Variants in EVL observed in about 807,000 individuals in gnomAD.
EVL encodes the protein Enah/Vasp-like.
Under a neutral mutation model 59.6 loss-of-function variants are expected in EVL, and 21 were observed. The ratio of observed to expected loss-of-function variants is 0.35; its 90% confidence interval spans 0.25 to 0.51. EVL has a LOEUF of 0.51. EVL is among the 20% of genes least tolerant of loss of function. EVL has a pLI of 0.97. For missense variants in EVL, 462 were observed against 546.6 expected (o/e 0.85, Z 1.54); for synonymous variants, 198 against 203.5 (o/e 0.97, Z 0.23).
intron 1 of EVL, among the ~76,000 whole-genome samples, chr14:99,983,941 G>A (rs2060824427): frequency 6.6e-6 from 1 of 152,064 alleles, no homozygotes; most frequent in Non-Finnish European, 1.5e-5. Flanking sequence ...ATCTACTGAA[G>A]GCTTTATAAA....
At chr14:99,987,116 A>G (rs899369037) in intron 1 of EVL, among the ~76,000 whole-genome samples, 3 of 152,216 alleles carry the variant, frequency 2.0e-5, no homozygotes, top group East Asian at 1.9e-4. Context: ...TGACAAGACA[A>G]TCCTGATAAT....
intron 1 of EVL, among the ~76,000 whole-genome samples, chr14:100,043,285 G>GTA (rs201664616): frequency 9.3e-5 from 14 of 151,104 alleles, no homozygotes; most frequent in Non-Finnish European, 1.3e-4. Context: ...ATGTGTGTGT[G>GTA]TATATATATG....
intron 1 of EVL, among the ~76,000 whole-genome samples, chr14:100,081,316 C>CA (rs1466094849): frequency 1.3e-5 from 2 of 151,848 alleles, no homozygotes; most frequent in South Asian, 2.1e-4. Context: ...TTTATTAAAA[C>CA]AAAAAATTTC....
intron 2 of EVL, among the ~76,000 whole-genome samples, chr14:100,087,246 A>G (rs1359362512): frequency 2.6e-5 from 4 of 152,250 alleles, no homozygotes; most frequent in African/African-American, 9.6e-5. Context: ...TAGTACCATT[A>G]GCCAAAATCT....
At chr14:99,991,705 G>A (rs994817523) in intron 1 of EVL, among the ~76,000 whole-genome samples, 4 of 152,142 alleles carry the variant, frequency 2.6e-5, no homozygotes, top group African/African-American at 9.7e-5. Flanking sequence ...GGTAAACGCA[G>A]CAACCACAGG....
At chr14:99,977,715 T>C (rs1163075382) in intron 1 of EVL, among the ~76,000 whole-genome samples, 1 of 151,750 alleles carries the variant, frequency 6.6e-6, no homozygotes, top group African/African-American at 2.4e-5. Flanking sequence ...ATTATAGGCA[T>C]GAGCCACCGT....
chr14:100,038,132 G>A lies in EVL; in HGVS notation c.6-46555G>A, dbSNP rs146868677. ...TCATCCTGGGTAGGATACTGTAGACGGAGAGCTGCAGGCAGCAGAAGGAAG... is the reference window on the plus strand; with the variant it reads ...TCATCCTGGGTAGGATACTGTAGACAGAGAGCTGCAGGCAGCAGAAGGAAG... On this transcript the variant is annotated intron_variant, in intron 1 of 13. Coordinates refer to the EVL transcript ENST00000402714. Among the ~76,000 whole-genome samples the A allele has an allele frequency of 4.6e-5, 7 of 152,256 alleles. No homozygotes were observed. In the East Asian group the frequency reaches 1.2e-3, roughly 25 times the overall value.
chr14:100,104,220 C>T (rs1445922740), intron 3 of EVL, among the ~76,000 whole-genome samples: 1 of 152,200 alleles, frequency 6.6e-6, no homozygotes. Context: ...TCAGCAGCCC[C>T]AGGGGACTTG....
chr14:100,143,766 C>G lies in EVL; in HGVS notation c.*28C>G, dbSNP rs191740130. ...GGCCGGCCTCGCTGCGCTGATTCGTCGAGCCCATCCGGCGACAGAGGACAG... is the reference window on the plus strand; with the variant it reads ...GGCCGGCCTCGCTGCGCTGATTCGTGGAGCCCATCCGGCGACAGAGGACAG... On this transcript the variant is annotated 3_prime_UTR_variant, in exon 14 of 14. Coordinates refer to ENST00000392920, the MANE Select transcript of EVL (RefSeq NM_016337.3). The G allele has an allele frequency of 5.6e-6, 9 of 1,607,446 alleles. No homozygotes were observed. The highest frequency in any genetic ancestry group is 1.3e-5 in the African/African-American group (1 of 74,822).
rs376049780 is a variant in EVL, at chr14:100,016,424, G to A, written c.5+44367G>A. ...CGTGCCTGTAATACCAGTTACTCGG[G>A]AGGCTGAAGCACGAGAATCACTTGA... On this transcript the variant is annotated intron_variant, in intron 1 of 13. Transcript: ENST00000402714. Among the ~76,000 whole-genome samples the A allele has an allele frequency of 5.4e-3, 829 of 152,252 alleles. 5 individuals carry two copies. The highest frequency in any genetic ancestry group is 0.017 in the South Asian group (83 of 4,820).
chr14:100,130,820 A>T lies in EVL; in HGVS notation c.839+1136A>T, dbSNP rs995410435. On this transcript the variant is annotated intron_variant, in intron 7 of 13. Transcript: ENST00000392920. The surrounding 1 kb of genome is among the most constrained non-coding windows in gnomAD (Gnocchi z 4.8). Reference sequence around the variant, plus strand: ...GGGAGCAGCAAGGTGGATCCGCAGCACGGGCGTCTCCGGAGCCTCTACTGG... The same window carrying T: ...GGGAGCAGCAAGGTGGATCCGCAGCTCGGGCGTCTCCGGAGCCTCTACTGG... Among the ~76,000 whole-genome samples, 2 of 152,220 alleles carry T rather than the reference A, an allele frequency of 1.3e-5. No homozygotes were observed. The highest frequency in any genetic ancestry group is 2.9e-5 in the Non-Finnish European group (2 of 68,046).
intron 4 of EVL, among the ~76,000 whole-genome samples, chr14:100,125,150 A>ACACACACACACACACC (rs1555361572): frequency 3.1e-5 from 4 of 128,354 alleles, no homozygotes; most frequent in African/African-American, 1.4e-4. Flanking sequence ...ACACACACAC[A>ACACACACACACACACC]CCTGCCCCAA....
intron 1 of EVL, among the ~76,000 whole-genome samples, chr14:100,033,676 C>T (rs541971511): frequency 6.6e-6 from 1 of 152,318 alleles, no homozygotes; most frequent in East Asian, 1.9e-4. Flanking sequence ...CTGCTAAGTA[C>T]TTTATATGCA....
chr14:100,115,404 C>T (rs1887274493), intron 3 of EVL, among the ~76,000 whole-genome samples: 2 of 152,218 alleles, frequency 1.3e-5, no homozygotes, highest in African/African-American at 2.4e-5. Flanking sequence ...ACCAGGCCCC[C>T]TGCTGTCCTT....
intron 1 of EVL, among the ~76,000 whole-genome samples, chr14:100,077,976 C>CA (rs2062202190): frequency 6.6e-6 from 1 of 152,028 alleles, no homozygotes; most frequent in Non-Finnish European, 1.5e-5. Flanking sequence ...GGGGTTTCAC[C>CA]GGTTAGCCAG....
intron 3 of EVL, among the ~76,000 whole-genome samples, chr14:100,121,828 A>G (rs767506774): frequency 5.9e-5 from 9 of 152,220 alleles, no homozygotes; most frequent in Non-Finnish European, 1.3e-4. Flanking sequence ...GACCACAGAC[A>G]CAGAAGGATC....
intron 1 of EVL, among the ~76,000 whole-genome samples, chr14:100,006,166 C>T (rs915842307): frequency 6.6e-6 from 1 of 151,232 alleles, no homozygotes; most frequent in Non-Finnish European, 1.5e-5. Context: ...AAGACCAAAA[C>T]AACAACAAAA....
intron 3 of EVL, among the ~76,000 whole-genome samples, chr14:100,110,436 T>A (rs1389175471): frequency 1.3e-5 from 2 of 151,236 alleles, no homozygotes; most frequent in Non-Finnish European, 2.9e-5. Context: ...AGCCATCACG[T>A]TGGGACACAG....
intron 1 of EVL, among the ~76,000 whole-genome samples, chr14:99,993,985 T>A (rs1458868433): frequency 6.6e-6 from 1 of 151,888 alleles, no homozygotes; most frequent in African/African-American, 2.4e-5. Flanking sequence ...TGAGCCACTG[T>A]GCCCAGCCCA....
Sources: gnomAD v4.1 joint callset for allele counts (sites outside exome capture counted in the v4.1 genomes callset) on GRCh38, gnomAD v4.1.1 for gene constraint, Gnocchi (gnomAD v3.1) non-coding constraint, MANE v1.5 for transcripts, NCBI Gene and HGNC (gene_info 2026-07-23, HGNC 2026-07-21) for gene names.